Variants in ZNF804B observed in about 807,000 individuals in gnomAD.
ZNF804B encodes the protein zinc finger 804B.
In ZNF804B, 80 loss-of-function variants were observed where a neutral mutation model predicts 101.4. That is an observed-to-expected ratio of 0.79 (90% CI 0.66 to 0.95). The LOEUF (loss-of-function observed/expected upper bound fraction) is 0.95, where lower values mean the gene tolerates loss of function less well. Among genes scored for constraint, ZNF804B ranks in the 40% least tolerant of loss-of-function variants. The pLI is 0.00. For missense variants in ZNF804B, 1,673 were observed against 1,561.9 expected, an observed-to-expected ratio of 1.07 and a Z score of -1.20; for synonymous variants, 622 against 558.8, an observed-to-expected ratio of 1.11 and a Z score of -1.59.
At chr7:89,284,997 A>G (rs868828750) in intron 2 of ZNF804B, among the ~76,000 whole-genome samples, 33 of 151,978 alleles carry the variant, frequency 2.2e-4, no homozygotes, top group Middle Eastern at 3.4e-3. Flanking sequence ...CCAGGAGAGC[A>G]AGGTTAGTCT....
At chr7:88,963,337 G>T (rs1308394515) in intron 1 of ZNF804B, among the ~76,000 whole-genome samples, 1 of 151,302 alleles carries the variant, frequency 6.6e-6, no homozygotes, top group African/African-American at 2.4e-5. Flanking sequence ...CCATGGAATA[G>T]AACAGAGAGC....
chr7:89,337,112 A>G lies in ZNF804B; in HGVS notation c.*80A>G. ...ATCATACATTTAAAGAAGTCTGTCAATTATAAGATTTAAAATATTGCTGCC... is the reference window on the plus strand; with the variant it reads ...ATCATACATTTAAAGAAGTCTGTCAGTTATAAGATTTAAAATATTGCTGCC... On this transcript the variant is annotated 3_prime_UTR_variant, in exon 4 of 4. Transcript: ENST00000333190. 1 of 1,354,370 alleles carries G rather than the reference A, an allele frequency of 7.4e-7. No individual in the cohort carries two copies. The highest frequency in any genetic ancestry group is 2.5e-5 in the East Asian group (1 of 40,696). The allele number at this position is 1,354,370 out of a possible 1,614,324, so 83.9% of individuals were successfully genotyped here. A position where few individuals can be genotyped will look rare whatever the true frequency, so the allele number is the denominator to read the frequency against.
chr7:89,089,978 C>T (rs1401313572), intron 1 of ZNF804B, among the ~76,000 whole-genome samples: 2 of 151,910 alleles, frequency 1.3e-5, no homozygotes, highest in African/African-American at 2.4e-5. Context: ...GATTTTTTCT[C>T]AAATTTTAAA....
chr7:89,327,552 A>G, intron 3 of ZNF804B, 78 bp downstream of exon 3: 2 of 1,536,794 alleles, frequency 1.3e-6, no homozygotes, highest in Non-Finnish European at 1.7e-6. Context: ...ATCTACTGTA[A>G]CAATGTAAAC....
Position 89,158,322 on chromosome 7 carries a change from G to A in ZNF804B, c.109-59833G>A, listed in dbSNP as rs117378771. Among the ~76,000 whole-genome samples the A allele has an allele frequency of 1.1e-3, 175 of 152,198 alleles. 1 individual carries two copies. Among genetic ancestry groups the A allele is most frequent in the Non-Finnish European group, 1.7e-3 (116 of 68,012 alleles). ...CTTTAAATTAATGGCACTGCCCTCC[G>A]TATAATCTTCCCAGCTAAAATTCTC... On this transcript the variant is annotated intron_variant, in intron 1 of 3. Coordinates refer to ENST00000333190, the MANE Select transcript of ZNF804B (RefSeq NM_181646.5).
intron 1 of ZNF804B, among the ~76,000 whole-genome samples, chr7:88,776,560 GTTTT>G (rs57733765): frequency 1.3e-5 from 1 of 75,112 alleles, no homozygotes; most frequent in Non-Finnish European, 2.7e-5. Context: ...GTGGTGTTTT[GTTTT>G]TTTTTTTTTT....
chr7:88,863,890 C>T (rs1562815997), intron 1 of ZNF804B, among the ~76,000 whole-genome samples: 2 of 152,208 alleles, frequency 1.3e-5, no homozygotes, highest in Admixed American at 1.3e-4. Flanking sequence ...ACGTGCCTGT[C>T]TCCTCCACTA....
At chr7:89,297,410 A>G (rs1790400668) in intron 2 of ZNF804B, among the ~76,000 whole-genome samples, 1 of 152,094 alleles carries the variant, frequency 6.6e-6, no homozygotes, top group Admixed American at 6.6e-5. Context: ...TTATTCTCCA[A>G]AAATGAAGCA....
chr7:89,083,478 A>C (rs994687951), intron 1 of ZNF804B, among the ~76,000 whole-genome samples: 3 of 151,922 alleles, frequency 2.0e-5, no homozygotes, highest in Non-Finnish European at 2.9e-5. Context: ...TAAAAGACTA[A>C]GGCAAGAATA....
intron 1 of ZNF804B, among the ~76,000 whole-genome samples, chr7:88,902,582 T>C (rs949803861): frequency 6.6e-6 from 1 of 152,002 alleles, no homozygotes; most frequent in Non-Finnish European, 1.5e-5. Flanking sequence ...CAAAAGTTAA[T>C]GTGTTGAGTC....
Position 89,187,603 on chromosome 7 carries a change from TTGTC to T in ZNF804B, c.109-30549_109-30546del, listed in dbSNP as rs1443092693. ...GTAATCTCTTCTTGTGTCTTGGACT[TTGTC>T]TGCAGTGGCAAAGTTTGGAGAAGCA... On this transcript the variant is annotated intron_variant, in intron 1 of 3. Transcript: ENST00000333190. Among the ~76,000 whole-genome samples the T allele has an allele frequency of 2.0e-5, 3 of 152,302 alleles. No individual in the cohort carries two copies. In the East Asian group the frequency reaches 5.8e-4, roughly 29 times the overall value.
intron 1 of ZNF804B, among the ~76,000 whole-genome samples, chr7:89,024,473 G>A (rs569431293): frequency 6.6e-6 from 1 of 151,864 alleles, no homozygotes; most frequent in Non-Finnish European, 1.5e-5. Flanking sequence ...TGTCTCTAAG[G>A]TTCTGTTCAC....
intron 1 of ZNF804B, among the ~76,000 whole-genome samples, chr7:89,126,590 A>T (rs1029176775): frequency 2.6e-5 from 4 of 151,880 alleles, no homozygotes; most frequent in Admixed American, 1.3e-4. Flanking sequence ...CCAGAATTTT[A>T]CCTCTCATTA....
chr7:89,049,529 T>C (rs1789162877), intron 1 of ZNF804B, among the ~76,000 whole-genome samples: 2 of 152,060 alleles, frequency 1.3e-5, no homozygotes, highest in South Asian at 2.1e-4. Flanking sequence ...TCCCCAAAGA[T>C]CTTATTGTTA....
chr7:89,140,937 T>C (rs922976055), intron 1 of ZNF804B, among the ~76,000 whole-genome samples: 3 of 151,648 alleles, frequency 2.0e-5, no homozygotes, highest in Admixed American at 1.3e-4. Flanking sequence ...CTTAATCATT[T>C]CTAGCTTTTG....
chr7:88,862,506 A>G (rs922533781), intron 1 of ZNF804B, among the ~76,000 whole-genome samples: 1 of 152,220 alleles, frequency 6.6e-6, no homozygotes, highest in African/African-American at 2.4e-5. Flanking sequence ...TGTAGCTAAT[A>G]CTATAGATAC....
At chr7:89,263,657 C>G (rs1206657685) in intron 2 of ZNF804B, among the ~76,000 whole-genome samples, 1 of 151,424 alleles carries the variant, frequency 6.6e-6, no homozygotes, top group African/African-American at 2.4e-5. Context: ...AGGTCATCCT[C>G]GATTATCTGG....
chr7:89,062,311 C>CT (rs1789393167), intron 1 of ZNF804B, among the ~76,000 whole-genome samples: 1 of 151,996 alleles, frequency 6.6e-6, no homozygotes, highest in Non-Finnish European at 1.5e-5. Context: ...CAGCCTCTTG[C>CT]TTTTGCTCCC....
chr7:88,992,824 A>G (rs1405497204), intron 1 of ZNF804B, among the ~76,000 whole-genome samples: 5 of 152,084 alleles, frequency 3.3e-5, no homozygotes, highest in Admixed American at 6.6e-5. Flanking sequence ...ATTTTAAATC[A>G]GAAAGCTAAC....
Sources: gnomAD v4.1 joint callset for allele counts (sites outside exome capture counted in the v4.1 genomes callset) on GRCh38, gnomAD v4.1.1 for gene constraint, MANE v1.5 for transcripts, NCBI Gene and HGNC (gene_info 2026-07-23, HGNC 2026-07-21) for gene names.